Variants in ZNF341 observed in about 807,000 individuals in gnomAD.
ZNF341 encodes zinc finger protein 341.
ZNF341 carries 52 observed loss-of-function variants against 87.7 expected under a neutral mutation model. That is an observed-to-expected ratio of 0.59 (90% confidence interval 0.47 to 0.75). The LOEUF (loss-of-function observed/expected upper bound fraction) is 0.75, where lower values mean the gene tolerates loss of function less well. Ranked by LOEUF, ZNF341 falls within the 30% of genes least tolerant of loss-of-function variation. The pLI, the probability that ZNF341 is intolerant of heterozygous loss-of-function variation, is 0.00. For synonymous variants in ZNF341, 459 were observed against 472.7 expected (o/e 0.97, Z 0.38); for missense variants, 977 against 1,145.9 (o/e 0.85, Z 2.13).
intron 9 of ZNF341, 23 bp from the exon 10 acceptor site, chr20:33,770,061 C>T (rs368794900): frequency 1.3e-6 from 2 of 1,595,378 alleles, no homozygotes; most frequent in East Asian, 2.2e-5. Flanking sequence ...CCTCCTGTCA[C>T]CTGCCCAGCG....
chr20:33,791,300 T>C lies in ZNF341; in HGVS notation c.2348T>C (p.Leu783Pro). The C allele has an allele frequency of 6.2e-7, 1 of 1,611,676 alleles. No homozygotes were observed. The highest frequency in any genetic ancestry group is 8.5e-7 in the Non-Finnish European group (1 of 1,179,478). ...GAGCTGAAGGACACAGGGGCTGGGC[T>C]GGTGCCCGAGGCTGTCCCCGGCAAG... The part of the protein sequence containing the change: ...LEELKDTGAG[L>P]VPEAVPGKPP... Residue 783 changes from leucine (L) to proline (P), a missense_variant, in exon 15 of 15, where the codon CTG becomes CCG. Physicochemically the swap from Leu to Pro is moderately conservative, Grantham distance 98 (BLOSUM62 -3). Transcript: ENST00000375200.
intron 5 of ZNF341, among the ~76,000 whole-genome samples, chr20:33,756,604 G>T (rs1466140149): frequency 6.6e-6 from 1 of 152,082 alleles, no homozygotes; most frequent in Non-Finnish European, 1.5e-5. Context: ...CTGACCTTAG[G>T]TGATCTGCCC....
intron 14 of ZNF341, among the ~76,000 whole-genome samples, chr20:33,790,130 G>C (rs2019969834): frequency 6.6e-6 from 1 of 150,642 alleles, no homozygotes; most frequent in East Asian, 1.9e-4. Flanking sequence ...GGAGTGCAGT[G>C]GTGTGATCTT....
intron 12 of ZNF341, among the ~76,000 whole-genome samples, chr20:33,785,354 T>G (rs2019831993): frequency 6.6e-6 from 1 of 152,198 alleles, no homozygotes; most frequent in Non-Finnish European, 1.5e-5. Flanking sequence ...TTTTTTATTT[T>G]TATTTTGAGA....
chr20:33,768,624 T>C lies in ZNF341; in HGVS notation c.1414-1460T>C, dbSNP rs1029520307. ...TTTTAGTAGAGATGGGGTTTCACCA[T>C]GTTGGCCAGGCTGGTCTCGAACTCC... On this transcript the variant is annotated intron_variant, in intron 9 of 14. Coordinates refer to ENST00000375200, the MANE Select transcript of ZNF341 (RefSeq NM_001282933.2). 3.9e-5 allele frequency among the ~76,000 whole-genome samples: 6 copies of C among 152,218 alleles called. No individual in the cohort carries two copies. The East Asian group carries it at 9.7e-4, about 25-fold the overall frequency.
Position 33,732,607 on chromosome 20 carries a change from C to G in ZNF341, c.31+555C>G. Among the ~76,000 whole-genome samples, 1 of 152,268 alleles carries G rather than the reference C, an allele frequency of 6.6e-6. No homozygotes were observed. The highest frequency in any genetic ancestry group is 1.9e-4 in the East Asian group (1 of 5,198). On this transcript the variant is annotated intron_variant, in intron 1 of 14. Coordinates refer to ENST00000375200, the MANE Select transcript of ZNF341 (RefSeq NM_001282933.2). The surrounding 1 kb of genome is among the most constrained non-coding windows in gnomAD (Gnocchi z 4.5). Reference sequence around the variant, plus strand: ...GCTTAGGGACCCAAGCCAGCAAACACCTGGCGCCTGCAGTGCGCACCGTGG... The same window carrying G: ...GCTTAGGGACCCAAGCCAGCAAACAGCTGGCGCCTGCAGTGCGCACCGTGG...
intron 5 of ZNF341, among the ~76,000 whole-genome samples, chr20:33,755,078 T>G (rs1417499183): frequency 6.6e-6 from 1 of 151,980 alleles, no homozygotes; most frequent in African/African-American, 2.4e-5. Flanking sequence ...AAGTAGCTGG[T>G]ATTACAGGTA....
intron 14 of ZNF341, 124 bp downstream of exon 14, chr20:33,789,712 A>T: frequency 9.5e-7 from 1 of 1,052,260 alleles, no homozygotes; most frequent in Non-Finnish European, 1.4e-6. Context: ...GGCACATTCC[A>T]GCCAGCACTT....
intron 12 of ZNF341, chr20:33,787,235 T>C (rs2019887032): frequency 6.6e-6 from 1 of 152,060 alleles, no homozygotes; most frequent in Non-Finnish European, 1.5e-5. Context: ...TTCTTTCTTT[T>C]TTTTTTGTTG....
At chr20:33,733,183 A>T (rs1194058174) in intron 1 of ZNF341, among the ~76,000 whole-genome samples, 1 of 149,128 alleles carries the variant, frequency 6.7e-6, no homozygotes, top group African/African-American at 2.5e-5. Flanking sequence ...AGTAGCTGGG[A>T]CTATAGGCGT....
intron 5 of ZNF341, among the ~76,000 whole-genome samples, chr20:33,754,393 A>G (rs2019129829): frequency 6.6e-6 from 1 of 152,194 alleles, no homozygotes; most frequent in Non-Finnish European, 1.5e-5. Context: ...CACCTGCACT[A>G]GAAATCACAC....
At chr20:33,789,491 C>T (rs2019950638) in intron 13 of ZNF341, 27 bp from the exon 14 acceptor site, 12 of 1,613,590 alleles carry the variant, frequency 7.4e-6, no homozygotes, top group Non-Finnish European at 1.0e-5. Flanking sequence ...TGGTGAGCTC[C>T]CCCTGACCAG....
In ZNF341 at chr20:33,790,830, A is replaced by G. The variant is rs575072162; in HGVS notation, c.2036-158A>G. Reference sequence around the variant, plus strand: ...AGGAGAGCGAGTGTGGCTGGCGCAGAGAGTGGCTGGAAGAAGGCAGACGAC... The same window carrying G: ...AGGAGAGCGAGTGTGGCTGGCGCAGGGAGTGGCTGGAAGAAGGCAGACGAC... On this transcript the variant is annotated intron_variant, in intron 14 of 14. Coordinates refer to ENST00000375200, the MANE Select transcript of ZNF341 (RefSeq NM_001282933.2). 2.2e-4 allele frequency among the ~76,000 whole-genome samples: 33 copies of G among 152,318 alleles called. No individual in the cohort carries two copies. The South Asian group carries it at 6.2e-3, about 29-fold the overall frequency.
intron 12 of ZNF341, among the ~76,000 whole-genome samples, chr20:33,785,202 T>A (rs1387457989): frequency 6.6e-6 from 1 of 152,132 alleles, no homozygotes; most frequent in Non-Finnish European, 1.5e-5. Context: ...ATCCAATGTT[T>A]TTCCTTTTTT....
chr20:33,736,960 A>G (rs1001308185), intron 1 of ZNF341, among the ~76,000 whole-genome samples: 2 of 152,122 alleles, frequency 1.3e-5, no homozygotes, highest in Non-Finnish European at 2.9e-5. Flanking sequence ...TGTTTCCTCA[A>G]AATGGAAACA....
At position 33,762,683 on chromosome 20, in the gene ZNF341, C is replaced by G. The variant is rs950717210; in HGVS notation, c.1222+628C>G. 4.6e-5 allele frequency among the ~76,000 whole-genome samples: 7 copies of G among 152,220 alleles called. No individual in the cohort carries two copies. In the South Asian group the frequency reaches 1.0e-3, roughly 23 times the overall value. ...TATTTGTCCTAAGGCTCTCTCTCCC[C>G]TTGTCCCCAGCCCCCCGACAGGCCC... On this transcript the variant is annotated intron_variant, in intron 8 of 14. Coordinates refer to ENST00000375200, the MANE Select transcript of ZNF341 (RefSeq NM_001282933.2).
rs1601242521 is a variant in ZNF341 at position 33,748,347 on chromosome 20, G to A, written c.340-576G>A. Among the ~76,000 whole-genome samples the A allele has an allele frequency of 2.0e-5, 3 of 152,318 alleles. 1 individual carries two copies. The highest frequency in any genetic ancestry group is 4.1e-4 in the South Asian group (2 of 4,828). ...AGCCTCCCAAAGTGCTGGGATTACA[G>A]GCGTGAGCCACCATGCCTGGCTGAT... On this transcript the variant is annotated intron_variant, in intron 3 of 14. Transcript: ENST00000375200.
intron 3 of ZNF341, among the ~76,000 whole-genome samples, chr20:33,745,760 A>G (rs6059448): frequency 0.057 from 8,615 of 151,862 alleles, 840 homozygotes; most frequent in African/African-American, 0.2. Context: ...GGAAGGAAGC[A>G]GGAGCCAGGT....
chr20:33,786,027 C>CTTTTTTTTTTTTTT (rs11478588), intron 12 of ZNF341, among the ~76,000 whole-genome samples: 2 of 68,684 alleles, frequency 2.9e-5, no homozygotes, highest in African/African-American at 6.4e-5. Context: ...ATGTATGAAC[C>CTTTTTTTTTTTTTT]TTTTTTTTTT....
Sources: allele counts gnomAD v4.1 joint callset (sites outside exome capture counted in the v4.1 genomes callset), GRCh38; gene constraint gnomAD v4.1.1; non-coding constraint Gnocchi (gnomAD v3.1); transcripts MANE v1.5; gene names NCBI Gene and HGNC (gene_info 2026-07-23, HGNC 2026-07-21).